The following LARS2 variants were observed in gnomAD, a reference collection of about 807,000 sequenced individuals.
LARS2 encodes leucyl-tRNA synthetase 2, mitochondrial.
In LARS2, 81 loss-of-function variants were observed where a neutral mutation model predicts 116.6. The observed-to-expected ratio is 0.69, with a 90% CI of 0.58 to 0.84. The LOEUF is 0.84. LARS2 is among the 40% of genes least tolerant of loss of function. LARS2 has a pLI of 0.00. For synonymous variants in LARS2, 396 were observed against 407.2 expected (o/e 0.97, Z 0.33); for missense variants, 968 against 1,114.5 (o/e 0.87, Z 1.87).
intron 19 of LARS2, among the ~76,000 whole-genome samples, chr3:45,520,628 C>T (rs56083007): frequency 6.6e-5 from 10 of 152,258 alleles, no homozygotes; most frequent in Admixed American, 3.9e-4. Flanking sequence ...TTTGCACCCC[C>T]GCTGTCTGAT....
intron 20 of LARS2, among the ~76,000 whole-genome samples, chr3:45,529,428 A>G (rs1700581409): frequency 6.6e-6 from 1 of 151,896 alleles, no homozygotes; most frequent in Non-Finnish European, 1.5e-5. Context: ...GCATGCCTGT[A>G]ATCCCAGCTA....
intron 2 of LARS2, among the ~76,000 whole-genome samples, chr3:45,393,753 G>A (rs1190992660): frequency 6.6e-6 from 1 of 152,106 alleles, no homozygotes; most frequent in Non-Finnish European, 1.5e-5. Flanking sequence ...GAGCCCAGGA[G>A]TCAGAGGTTA....
At chr3:45,484,945 G>T (rs9842149) in intron 10 of LARS2, among the ~76,000 whole-genome samples, 1 of 151,126 alleles carries the variant, frequency 6.6e-6, no homozygotes, top group African/African-American at 2.4e-5. Flanking sequence ...TTTTCTGCAC[G>T]TTCCAACCTG....
chr3:45,488,411 C>T (rs1208619131), intron 11 of LARS2, among the ~76,000 whole-genome samples: 3 of 152,134 alleles, frequency 2.0e-5, no homozygotes. Context: ...CTAACCTGGG[C>T]AACAGAGCAA....
chr3:45,423,415 C>T (rs1218001794), intron 6 of LARS2, among the ~76,000 whole-genome samples: 9 of 152,064 alleles, frequency 5.9e-5, no homozygotes, highest in South Asian at 4.1e-4. Flanking sequence ...CAGGTTCAAG[C>T]GATTCTTGTG....
rs2125773682 is a variant in LARS2, at chr3:45,546,063, C to T, written c.2533-1288C>T. 2.0e-5 allele frequency among the ~76,000 whole-genome samples: 3 copies of T among 152,298 alleles called. No individual in the cohort carries two copies. The South Asian group carries it at 6.2e-4, about 32-fold the overall frequency. Reference sequence around the variant, plus strand: ...CATGAGAGCACCATGCTCCCCCTCACCCAGCACCCCCTCTGTAGGTGGTGG... The same window carrying T: ...CATGAGAGCACCATGCTCCCCCTCATCCAGCACCCCCTCTGTAGGTGGTGG... On this transcript the variant is annotated intron_variant, in intron 21 of 21. Transcript: ENST00000645846.
At chr3:45,530,143 C>A (rs1700593672) in intron 20 of LARS2, among the ~76,000 whole-genome samples, 1 of 152,192 alleles carries the variant, frequency 6.6e-6, no homozygotes, top group South Asian at 2.1e-4. Flanking sequence ...TCCAGTTTAA[C>A]AATATGATAT....
At chr3:45,500,658 A>C in intron 15 of LARS2, 79 bp downstream of exon 15, 1 of 1,079,992 alleles carries the variant, frequency 9.3e-7, no homozygotes, top group African/African-American at 1.6e-5. Context: ...CTTCTGAAGC[A>C]AGGTAAATGC....
chr3:45,505,962 G>A (rs752849732), intron 15 of LARS2, among the ~76,000 whole-genome samples: 3 of 152,048 alleles, frequency 2.0e-5, no homozygotes, highest in Non-Finnish European at 4.4e-5. Flanking sequence ...TTAAAATGCA[G>A]TTTCAAATAT....
At chr3:45,529,636 C>T (rs1026298996) in intron 20 of LARS2, among the ~76,000 whole-genome samples, 19 of 151,588 alleles carry the variant, frequency 1.3e-4, no homozygotes, top group African/African-American at 4.6e-4. Flanking sequence ...ATTGCTTGGT[C>T]AGAAGAGATA....
chr3:45,540,848 G>A (rs967591008), intron 20 of LARS2, among the ~76,000 whole-genome samples: 2 of 152,014 alleles, frequency 1.3e-5, no homozygotes, highest in African/African-American at 4.8e-5. Flanking sequence ...TGCAGTGGGG[G>A]AATCATAGCT....
At chr3:45,446,441 A>C (rs550449581) in intron 6 of LARS2, among the ~76,000 whole-genome samples, 22 of 152,358 alleles carry the variant, frequency 1.4e-4, no homozygotes, top group African/African-American at 5.3e-4. Context: ...TTTTATGTGG[A>C]AACACAAGAT....
At chr3:45,498,748 C>T (rs190842801) in intron 14 of LARS2, among the ~76,000 whole-genome samples, 1 of 152,308 alleles carries the variant, frequency 6.6e-6, no homozygotes, top group Admixed American at 6.5e-5. Flanking sequence ...TGTCGCCAGC[C>T]AGTGCTGCCC....
chr3:45,451,287 G>A (rs1423540521), intron 7 of LARS2, among the ~76,000 whole-genome samples: 1 of 151,520 alleles, frequency 6.6e-6, no homozygotes, highest in Non-Finnish European at 1.5e-5. Flanking sequence ...CCAAGCCAAT[G>A]TCCTGTAGCA....
intron 19 of LARS2, 48 bp from the exon 20 acceptor site, chr3:45,523,949 G>A: frequency 1.5e-6 from 2 of 1,357,388 alleles, no homozygotes; most frequent in Non-Finnish European, 2.1e-6. Flanking sequence ...TCTTACCCGT[G>A]CTTATTTTTA....
rs745619512 is a variant in LARS2, at chr3:45,516,270, G to A, written c.2038G>A (p.Val680Met). 6.2e-7 allele frequency: 1 copy of A among 1,612,704 alleles called. No homozygotes were observed. Reference protein sequence around the residue: ...APPEKDILWDVKTDALPGVLR... With the variant: ...APPEKDILWDMKTDALPGVLR... ...TCCTGAGAAGGATATCTTGTGGGATGTGAAAAGTAAGTCACCTTCCTCTTC... is the reference window on the plus strand; with the variant it reads ...TCCTGAGAAGGATATCTTGTGGGATATGAAAAGTAAGTCACCTTCCTCTTC... Residue 680 changes from valine (V) to methionine (M), a missense_variant, in exon 17 of 22, where the codon GTG becomes ATG. Val to Met is a conservative substitution (Grantham distance 21, BLOSUM62 1). Transcript: ENST00000645846.
Position 45,418,728 on chromosome 3 carries a change from C to A in LARS2, c.456-941C>A, listed in dbSNP as rs1392357766. 2.6e-5 allele frequency among the ~76,000 whole-genome samples: 4 copies of A among 152,326 alleles called. No individual in the cohort carries two copies. The East Asian group carries it at 7.7e-4, about 29-fold the overall frequency. On this transcript the variant is annotated intron_variant, in intron 5 of 21. Transcript: ENST00000645846. ...AGCTGAAAGCATTCATCATCTGGCCCTTTTAGGTTTGCCAGCCTCTCTACT... is the reference window on the plus strand; with the variant it reads ...AGCTGAAAGCATTCATCATCTGGCCATTTTAGGTTTGCCAGCCTCTCTACT...
chr3:45,404,060 C>T (rs1356958718), intron 4 of LARS2, among the ~76,000 whole-genome samples: 2 of 152,108 alleles, frequency 1.3e-5, no homozygotes, highest in Non-Finnish European at 2.9e-5. Flanking sequence ...GAAGGTGATT[C>T]GTCACCATTT....
intron 19 of LARS2, among the ~76,000 whole-genome samples, chr3:45,523,093 G>A (rs150558162): frequency 1.8e-4 from 27 of 152,212 alleles, no homozygotes; most frequent in African/African-American, 6.3e-4. Context: ...TGCTGAGTGT[G>A]TGTTAGTTTT....
Sources: allele counts gnomAD v4.1 joint callset (sites outside exome capture counted in the v4.1 genomes callset), GRCh38; gene constraint gnomAD v4.1.1; transcripts MANE v1.5; gene names NCBI Gene and HGNC (gene_info 2026-07-23, HGNC 2026-07-21).